Variants in NOC4L observed in about 807,000 individuals in gnomAD.
NOC4L encodes the protein nucleolar complex associated 4 homolog, also known as nucleolar complex protein 4 homolog.
In NOC4L, 40 loss-of-function variants were observed where a neutral mutation model predicts 62.8. The observed-to-expected ratio is 0.64, with a 90% CI of 0.49 to 0.83. The LOEUF is 0.83. Among genes scored for constraint, NOC4L ranks in the 40% least tolerant of loss-of-function variants. The pLI is 0.00. For missense variants in NOC4L, 927 were observed against 701.9 expected (o/e 1.32, Z -3.62); for synonymous variants, 433 against 299.8 (o/e 1.44, Z -4.59).
intron 3 of NOC4L, among the ~76,000 whole-genome samples, chr12:132,146,052 G>A (rs974872938): frequency 6.6e-6 from 1 of 152,210 alleles, no homozygotes; most frequent in Admixed American, 6.5e-5. Context: ...GTTTAAAGCT[G>A]AGAAGTTAGC....
In NOC4L at chr12:132,147,669, C is replaced by T; in HGVS notation, c.490C>T (p.Gln164Ter). Residue 164 changes from glutamine to a stop codon, truncating the protein, a stop_gained, in exon 5 of 15, where the codon CAG (glutamine) becomes TAG (stop). Transcript: ENST00000330579. LOFTEE classifies it high-confidence loss of function. Reference protein sequence around the residue: ...VGGLLSPEEDQSLLLSQFREY... With the variant: ...VGGLLSPEED ...AGGCCTGCTGTCTCCTGAGGAGGAC[C>T]AGAGCCTGCTCCTGTCCCAGTTCCG... 1.2e-6 allele frequency: 2 copies of T among 1,612,916 alleles called. No individual in the cohort carries two copies. Among genetic ancestry groups the T allele is most frequent in the Non-Finnish European group, 1.7e-6 (2 of 1,179,936 alleles).
At chr12:132,145,712 A>C in intron 3 of NOC4L, 47 bp downstream of exon 3, 1 of 1,330,204 alleles carries the variant, frequency 7.5e-7, no homozygotes, top group South Asian at 1.2e-5. Flanking sequence ...CTGCACCCCA[A>C]CTCCCAGGTT....
chr12:132,147,500 A>T (rs188638815), intron 4 of NOC4L, 112 bp downstream of exon 4: 2 of 1,448,536 alleles, frequency 1.4e-6, no homozygotes, highest in African/African-American at 1.4e-5. Context: ...TGGCTGGGAC[A>T]CTCCTGTGGC....
intron 4 of NOC4L, 115 bp downstream of exon 4, chr12:132,147,503 C>G (rs1897768533): frequency 1.6e-5 from 23 of 1,437,142 alleles, no homozygotes; most frequent in Non-Finnish European, 2.1e-5. Context: ...CTGGGACACT[C>G]CTGTGGCTCC....
At position 132,148,113 on chromosome 12, in the gene NOC4L, T is replaced by C; in HGVS notation, c.738+7T>C. ...GAAGGTTGCTCACCTGAAGGTGAGT[T>C]GCTTCTGGAGAGCCGGGCACCCTCC... On this transcript the variant is annotated splice_region_variant and intron_variant, in intron 7 of 14. Transcript: ENST00000330579. 1 of 1,613,188 alleles carries C rather than the reference T, an allele frequency of 6.2e-7. No homozygotes were observed. The highest frequency in any genetic ancestry group is 8.5e-7 in the Non-Finnish European group (1 of 1,179,900).
intron 8 of NOC4L, 49 bp from the exon 9 acceptor site, chr12:132,148,735 C>G (rs778620262): frequency 7.6e-7 from 1 of 1,309,290 alleles, no homozygotes; most frequent in Non-Finnish European, 1.0e-6. Flanking sequence ...CCCGACCCGC[C>G]GGCCCCCGCC....
chr12:132,151,866 C>G, intron 13 of NOC4L, 46 bp downstream of exon 13: 43 of 1,574,332 alleles, frequency 2.7e-5, no homozygotes, highest in Non-Finnish European at 3.7e-5. Flanking sequence ...AGCCATCCTT[C>G]GGCCCCTCAG....
chr12:132,146,977 C>A lies in NOC4L; in HGVS notation c.346-304C>A, dbSNP rs191921502. Among the ~76,000 whole-genome samples the A allele has an allele frequency of 1.9e-3, 292 of 152,290 alleles. 1 individual carries two copies. The highest frequency in any genetic ancestry group is 1.9e-3 in the Non-Finnish European group (128 of 68,026). ...TTCCCAAGGGTTATGGTGGCATTCC[C>A]GTGACACAGGTGACGAGAGAGCAGT... On this transcript the variant is annotated intron_variant, in intron 3 of 14. Transcript: ENST00000330579.
intron 9 of NOC4L, among the ~76,000 whole-genome samples, chr12:132,150,569 GC>G (rs1421455718): frequency 0.54 from 673 of 1,248 alleles, 315 homozygotes; most frequent in East Asian, 0.63. Flanking sequence ...CTCGGTGAGT[GC>G]CGCCGCCTCG....
intron 3 of NOC4L, 97 bp downstream of exon 3, chr12:132,145,762 G>A: frequency 1.2e-6 from 1 of 801,474 alleles, no homozygotes; most frequent in South Asian, 1.7e-5. Flanking sequence ...CAATTGTCCA[G>A]GCAAAGCTGC....
chr12:132,145,631 G>A lies in NOC4L; in HGVS notation c.311G>A (p.Gly104Glu), dbSNP rs1897686742. ...HRYHSCCNRLGELLGHPSFQV... is the reference protein window; with the variant it reads ...HRYHSCCNRLEELLGHPSFQV... ...TATCACAGCTGCTGCAATCGCTTGG[G>A]AGAGCTCCTGGGCCACCCCTCCTTT... Residue 104 changes from glycine to glutamate, a missense_variant, in exon 3 of 15, where the codon GGA becomes GAA. Gly to Glu is a moderately conservative substitution (Grantham distance 98). Transcript: ENST00000330579. 1 of 1,613,462 alleles carries A rather than the reference G, an allele frequency of 6.2e-7. No homozygotes were observed. Among genetic ancestry groups the A allele is most frequent in the African/African-American group, 1.3e-5 (1 of 74,936 alleles).
Position 132,151,239 on chromosome 12 carries a change from C to G in NOC4L, c.963-19C>G. 2 of 1,599,538 alleles carry G rather than the reference C, an allele frequency of 1.3e-6. No homozygotes were observed. The highest frequency in any genetic ancestry group is 1.7e-6 in the Non-Finnish European group (2 of 1,169,560). On this transcript the variant is annotated intron_variant, in intron 10 of 14. Coordinates refer to ENST00000330579, the MANE Select transcript of NOC4L (RefSeq NM_024078.3). ...CCCGGGCCCTGCTCCATCCGCTGCT[C>G]CTTCCCCCCGGCCCGCAGGGAGTAC...
intron 3 of NOC4L, chr12:132,146,417 G>A (rs1023835251): frequency 2.9e-5 from 13 of 445,850 alleles, no homozygotes; most frequent in Admixed American, 7.1e-5. Flanking sequence ...TACGAACAGC[G>A]GACTGTGAAC....
rs1406411672 is a variant in NOC4L, at chr12:132,152,085, C to T, written c.1319C>T (p.Ala440Val). The change falls in exon 14 of 15, where the codon GCC becomes GTC. Residue 440 changes from alanine to valine, a missense_variant and splice_region_variant. Coordinates refer to ENST00000330579, the MANE Select transcript of NOC4L (RefSeq NM_024078.3). The part of the protein sequence containing the change: ...ALESSLWELQ[A>V]LQRHYHPEVS... ...CTCTTAACGGCCCTACTGCCCCAGG[C>T]CCTCCAGCGCCACTACCACCCTGAG... 8 of 1,610,166 alleles carry T rather than the reference C, an allele frequency of 5.0e-6. No individual in the cohort carries two copies. The highest frequency in any genetic ancestry group is 1.7e-5 in the Admixed American group (1 of 59,948).
At chr12:132,148,012 C>T in intron 6 of NOC4L, 33 bp downstream of exon 6, 1 of 1,612,844 alleles carries the variant, frequency 6.2e-7, no homozygotes, top group Non-Finnish European at 8.5e-7. Context: ...GCGGACAGGG[C>T]TGAGCCTTGG....
At chr12:132,148,548 G>A in intron 7 of NOC4L, 61 bp from the exon 8 acceptor site, 1 of 1,537,476 alleles carries the variant, frequency 6.5e-7, no homozygotes. Flanking sequence ...TGCCCTGGCA[G>A]CTGCTCGGGC....
intron 10 of NOC4L, 90 bp downstream of exon 10, chr12:132,151,131 C>T: frequency 6.9e-7 from 1 of 1,441,502 alleles, no homozygotes; most frequent in Admixed American, 1.7e-5. Flanking sequence ...GGGGTCCCCG[C>T]TTTCCTCACA....
In NOC4L at chr12:132,150,977, G is replaced by T. The variant is rs768007892; in HGVS notation, c.902-4G>T. ...AGCTCCAGCCTGTGTCTGTCTGTCT[G>T]CAGGGGGGGCCCTCAGCCTCTTGGC... On this transcript the variant is annotated splice_region_variant and splice_polypyrimidine_tract_variant and intron_variant, in intron 9 of 14. Coordinates refer to ENST00000330579, the MANE Select transcript of NOC4L (RefSeq NM_024078.3). 6 of 1,604,528 alleles carry T rather than the reference G, an allele frequency of 3.7e-6. No homozygotes were observed. The highest frequency in any genetic ancestry group is 2.2e-5 in the East Asian group (1 of 44,864).
rs1030278105 is a variant in NOC4L at position 132,147,059 on chromosome 12, G to A, written c.346-222G>A. 4.6e-5 allele frequency among the ~76,000 whole-genome samples: 7 copies of A among 152,332 alleles called. 1 individual carries two copies. In the South Asian group the frequency reaches 6.2e-4, roughly 14 times the overall value. On this transcript the variant is annotated intron_variant, in intron 3 of 14. Coordinates refer to ENST00000330579, the MANE Select transcript of NOC4L (RefSeq NM_024078.3). ...TACCCTTCCCCCGCCAGACTCTGTC[G>A]TGAGCACTGGATCTCTTTAACTAGA...
Sources: allele counts gnomAD v4.1 joint callset (sites outside exome capture counted in the v4.1 genomes callset), GRCh38; gene constraint gnomAD v4.1.1; transcripts MANE v1.5; gene names NCBI Gene and HGNC (gene_info 2026-07-23, HGNC 2026-07-21).